Variants in NAALADL2 observed in about 807,000 individuals in gnomAD.
NAALADL2 encodes the protein inactive N-acetylated-alpha-linked acidic dipeptidase-like protein 2.
NAALADL2 carries 76 observed loss-of-function variants against 87.2 expected under a neutral mutation model. The observed-to-expected ratio is 0.87, with a 90% CI of 0.72 to 1.05. The LOEUF is 1.05. Among genes scored for constraint, NAALADL2 ranks in the 50% least tolerant of loss-of-function variants. NAALADL2 has a pLI of 0.00. For missense variants in NAALADL2, 1,089 were observed against 945.8 expected, an observed-to-expected ratio of 1.15 and a Z score of -1.99; for synonymous variants, 354 against 331.0, an observed-to-expected ratio of 1.07 and a Z score of -0.75.
At chr3:175,400,397 T>C (rs1221349340) in intron 5 of NAALADL2, among the ~76,000 whole-genome samples, 1 of 152,140 alleles carries the variant, frequency 6.6e-6, no homozygotes, top group Non-Finnish European at 1.5e-5. Context: ...CACATTTAGC[T>C]TCCTCTAGAA....
chr3:175,017,696 C>A (rs1018543128), intron 1 of NAALADL2, among the ~76,000 whole-genome samples: 1 of 152,078 alleles, frequency 6.6e-6, no homozygotes, highest in East Asian at 1.9e-4. Flanking sequence ...TTTTCTCTTT[C>A]AATGATCTTT....
chr3:175,065,637 C>A (rs1714398934), intron 1 of NAALADL2, among the ~76,000 whole-genome samples: 1 of 152,146 alleles, frequency 6.6e-6, no homozygotes, highest in African/African-American at 2.4e-5. Flanking sequence ...AATGTAAGAG[C>A]AGGTGTCACA....
At chr3:175,728,446 C>G (rs1264174276) in intron 11 of NAALADL2, among the ~76,000 whole-genome samples, 1 of 152,144 alleles carries the variant, frequency 6.6e-6, no homozygotes, top group Non-Finnish European at 1.5e-5. Flanking sequence ...TGATCCCTCT[C>G]CTCTATGGAT....
chr3:175,109,528 T>C (rs901858077), intron 2 of NAALADL2, among the ~76,000 whole-genome samples: 3 of 151,098 alleles, frequency 2.0e-5, no homozygotes, highest in African/African-American at 7.3e-5. Flanking sequence ...TCACACATTG[T>C]AGTAGGAATG....
intron 3 of NAALADL2, among the ~76,000 whole-genome samples, chr3:174,798,335 T>G (rs1414926217): frequency 9.2e-5 from 14 of 152,304 alleles, no homozygotes; most frequent in African/African-American, 3.1e-4. Context: ...GGCATATATA[T>G]TTATGGGGTT....
intron 2 of NAALADL2, among the ~76,000 whole-genome samples, chr3:174,600,340 A>G (rs1718316727): frequency 6.6e-6 from 1 of 152,106 alleles, no homozygotes; most frequent in Non-Finnish European, 1.5e-5. Context: ...TTTTATTTAG[A>G]GAGTTCAAGA....
chr3:175,156,690 C>T (rs1293622230), intron 2 of NAALADL2, among the ~76,000 whole-genome samples: 2 of 103,932 alleles, frequency 1.9e-5, no homozygotes, highest in Non-Finnish European at 3.6e-5. Flanking sequence ...AAATGCTGAC[C>T]CTCAGAGGAC....
At chr3:175,261,503 AAT>A (rs1751035747) in intron 4 of NAALADL2, among the ~76,000 whole-genome samples, 2 of 152,116 alleles carry the variant, frequency 1.3e-5, no homozygotes, top group Non-Finnish European at 2.9e-5. Context: ...ATTACAGATG[AAT>A]ATATATCTTG....
intron 11 of NAALADL2, among the ~76,000 whole-genome samples, chr3:175,706,135 T>C (rs1212165658): frequency 6.6e-6 from 1 of 152,072 alleles, no homozygotes; most frequent in African/African-American, 2.4e-5. Context: ...AGAGATACAC[T>C]ACACAAAATG....
chr3:174,826,902 C>T (rs1722061895), intron 3 of NAALADL2, among the ~76,000 whole-genome samples: 1 of 152,112 alleles, frequency 6.6e-6, no homozygotes, highest in Non-Finnish European at 1.5e-5. Flanking sequence ...AATTAAAACT[C>T]TTTGGTTATA....
At position 174,731,993 on chromosome 3, in the gene NAALADL2, G is replaced by T. The variant is rs368709756; in HGVS notation, c.-114-5648G>T. Reference sequence around the variant, plus strand: ...AAGCCACCATAAACAATACATAAATGAATGGGTGTGGTTGTGTCCCAATGA... The same window carrying T: ...AAGCCACCATAAACAATACATAAATTAATGGGTGTGGTTGTGTCCCAATGA... On this transcript the variant is annotated intron_variant, in intron 2 of 3. Transcript: ENST00000434257. Among the ~76,000 whole-genome samples, 16 of 152,214 alleles carry T rather than the reference G, an allele frequency of 1.1e-4. 1 individual carries two copies. The highest frequency in any genetic ancestry group is 2.9e-4 in the African/African-American group (12 of 41,564).
chr3:174,557,500 T>C (rs1341628329), intron 2 of NAALADL2, among the ~76,000 whole-genome samples: 1 of 152,090 alleles, frequency 6.6e-6, no homozygotes, highest in Non-Finnish European at 1.5e-5. Context: ...TCTTGAATTC[T>C]TTTTTTGCAA....
chr3:175,477,021 G>A (rs1263102699), intron 9 of NAALADL2, among the ~76,000 whole-genome samples: 2 of 151,956 alleles, frequency 1.3e-5, no homozygotes, highest in South Asian at 2.1e-4. Context: ...AATACCACTA[G>A]GCTATGATTT....
chr3:175,235,256 G>T (rs977432635), intron 3 of NAALADL2: 1 of 152,070 alleles, frequency 6.6e-6, no homozygotes, highest in East Asian at 1.9e-4. Flanking sequence ...GTAAATGCTC[G>T]TTCCTAATAG....
chr3:174,897,675 C>T (rs932576742), intron 1 of NAALADL2, among the ~76,000 whole-genome samples: 1 of 151,810 alleles, frequency 6.6e-6, no homozygotes, highest in African/African-American at 2.4e-5. Context: ...GGTATATACC[C>T]AAAATAAAGG....
chr3:175,333,139 CTCTT>C (rs1384210131), intron 5 of NAALADL2, among the ~76,000 whole-genome samples: 2 of 152,184 alleles, frequency 1.3e-5, no homozygotes, highest in Non-Finnish European at 2.9e-5. Context: ...GGATAAACCT[CTCTT>C]TGTGCTGGTA....
intron 2 of NAALADL2, among the ~76,000 whole-genome samples, chr3:175,099,920 ATC>A (rs1337649392): frequency 6.6e-6 from 1 of 151,910 alleles, no homozygotes; most frequent in Non-Finnish European, 1.5e-5. Context: ...TGAGAAACAG[ATC>A]TGTGTTTAAT....
At chr3:175,082,030 C>T (rs994539102) in intron 1 of NAALADL2, among the ~76,000 whole-genome samples, 4 of 144,688 alleles carry the variant, frequency 2.8e-5, no homozygotes, top group Non-Finnish European at 1.5e-5. Flanking sequence ...CTCTCGTTCC[C>T]TTTGTGTGTG....
chr3:175,228,254 C>G (rs1259818895), intron 2 of NAALADL2, among the ~76,000 whole-genome samples: 1 of 151,878 alleles, frequency 6.6e-6, no homozygotes, highest in Non-Finnish European at 1.5e-5. Flanking sequence ...AGTATCTATT[C>G]TATTATGAAA....
Sources: gnomAD v4.1 joint callset for allele counts (sites outside exome capture counted in the v4.1 genomes callset) on GRCh38, gnomAD v4.1.1 for gene constraint, MANE v1.5 for transcripts, NCBI Gene and HGNC (gene_info 2026-07-23, HGNC 2026-07-21) for gene names.